Variants in COL4A2 observed in about 807,000 individuals in gnomAD.
COL4A2 encodes the protein collagen alpha-2(IV) chain.
In COL4A2, 99 loss-of-function variants were observed where a neutral mutation model predicts 200.2. That is an observed-to-expected ratio of 0.49 (90% CI 0.42 to 0.58). The LOEUF (loss-of-function observed/expected upper bound fraction) is 0.58, where lower values mean the gene tolerates loss of function less well. Among genes scored for constraint, COL4A2 ranks in the 20% least tolerant of loss-of-function variants. The pLI, the probability that COL4A2 is intolerant of heterozygous loss-of-function variation, is 0.00. For synonymous variants in COL4A2, 897 were observed against 900.6 expected (o/e 1.00, Z 0.07); for missense variants, 1,950 against 2,314.1 (o/e 0.84, Z 3.23).
At chr13:110,487,749 C>T (rs4773195) in intron 34 of COL4A2, among the ~76,000 whole-genome samples, 130,497 of 152,240 alleles carry the variant, frequency 0.86, 55,929 homozygotes, top group Middle Eastern at 0.93. Flanking sequence ...TCAGTTTCAT[C>T]GATGTGAAGT....
At chr13:110,381,372 C>T (rs1006084701) in intron 4 of COL4A2, among the ~76,000 whole-genome samples, 1 of 152,242 alleles carries the variant, frequency 6.6e-6, no homozygotes, top group Non-Finnish European at 1.5e-5. Context: ...CCTTGACATC[C>T]GCCTGCTCCT....
At chr13:110,392,394 A>G (rs907036279) in intron 4 of COL4A2, among the ~76,000 whole-genome samples, 4 of 152,192 alleles carry the variant, frequency 2.6e-5, no homozygotes, top group African/African-American at 9.7e-5. Context: ...TGGGTTTTGA[A>G]GAGGAGGAAG....
chr13:110,477,503 G>A (rs376440463), intron 29 of COL4A2, among the ~76,000 whole-genome samples: 63 of 152,288 alleles, frequency 4.1e-4, no homozygotes, highest in African/African-American at 1.4e-3. Flanking sequence ...AATTACCTAC[G>A]ACATGGACAT....
chr13:110,351,220 TTTGTTTG>T (rs1876945395), intron 3 of COL4A2, among the ~76,000 whole-genome samples: 8 of 47,126 alleles, frequency 1.7e-4, no homozygotes, highest in South Asian at 9.7e-4. Context: ...AGCTATTCTT[TTTGTTTG>T]TTTGTTTGTT....
At chr13:110,400,241 C>G (rs541846602) in intron 4 of COL4A2, among the ~76,000 whole-genome samples, 1 of 152,280 alleles carries the variant, frequency 6.6e-6, no homozygotes, top group East Asian at 1.9e-4. Context: ...AGTTGGTCTT[C>G]AGATACCTAC....
In COL4A2 at chr13:110,458,752, T is replaced by G; in HGVS notation, c.1433-19T>G. 6.2e-7 allele frequency: 1 copy of G among 1,613,544 alleles called. No homozygotes were observed. The stretch of plus-strand genomic sequence containing the variant: ...AGAGGAATGCGGAACAAGGAGGCCC[T>G]CCTCTCCCTCCTCTGCAGGTGACGC... On this transcript the variant is annotated intron_variant, in intron 21 of 47. Transcript: ENST00000360467.
At chr13:110,404,518 C>G (rs967358212) in intron 4 of COL4A2, among the ~76,000 whole-genome samples, 1 of 152,166 alleles carries the variant, frequency 6.6e-6, no homozygotes, top group Admixed American at 6.5e-5. Flanking sequence ...ATGGCTTGTG[C>G]TAGGCCAACA....
At chr13:110,431,391 T>C (rs2139459843) in intron 10 of COL4A2, among the ~76,000 whole-genome samples, 1 of 152,232 alleles carries the variant, frequency 6.6e-6, no homozygotes, top group East Asian at 1.9e-4. Flanking sequence ...TCAGTCAAAC[T>C]AACAGTTGGG....
At position 110,449,716 on chromosome 13, in the gene COL4A2, G is replaced by T. The variant is rs1262210175; in HGVS notation, c.1116G>T (p.Gly372=). ...RGDPGFPGAQ[G]EPGSQGEPGD... is the part of the protein sequence containing the mutation. ...ACCCGGGATTCCCAGGGGCCCAAGG[G>T]GAGCCAGGAAGCCAGGGTGAGCCAG... is the stretch of plus-strand genomic sequence containing the variant. Residue 372 remains glycine, a synonymous_variant, in exon 19 of 48, where the codon GGG becomes GGT. Coordinates refer to ENST00000360467, the MANE Select transcript of COL4A2 (RefSeq NM_001846.4). 6.5e-7 allele frequency: 1 copy of T among 1,549,984 alleles called. No individual in the cohort carries two copies. Among genetic ancestry groups the T allele is most frequent in the Non-Finnish European group, 8.7e-7 (1 of 1,146,490 alleles).
rs776564587 is a variant in COL4A2, at chr13:110,446,842, C to G, written c.1056C>G (p.Ser352=). 2 of 1,612,484 alleles carry G rather than the reference C, an allele frequency of 1.2e-6. No homozygotes were observed. Among genetic ancestry groups the G allele is most frequent in the South Asian group, 2.2e-5 (2 of 91,028 alleles). ...GGCCCCCTGGACTACCTGCCTACTC[C>G]CCTCACCCTTCCCTAGCAAAAGGTG... ...DPGPPGLPAY[S]PHPSLAKGAR... Residue 352 remains serine (S), a synonymous_variant, in exon 18 of 48, where the codon TCC becomes TCG. Transcript: ENST00000360467.
At chr13:110,490,879 A>G (rs1566564433) in intron 36 of COL4A2, among the ~76,000 whole-genome samples, 1 of 152,196 alleles carries the variant, frequency 6.6e-6, no homozygotes, top group South Asian at 2.1e-4. Flanking sequence ...TGGGCCCAGA[A>G]AGGCTTTGGA....
Position 110,508,481 on chromosome 13 carries a change from G to A in COL4A2, c.4881+260G>A, listed in dbSNP as rs574598369. 6.6e-5 allele frequency among the ~76,000 whole-genome samples: 10 copies of A among 152,300 alleles called. No individual in the cohort carries two copies. In the East Asian group the frequency reaches 1.5e-3, roughly 23 times the overall value. The stretch of plus-strand genomic sequence containing the variant: ...CCTTTGTAAGGAGTGTAACCAGGAC[G>A]AACTTGCCTGTTATCCGTCTTACTA... On this transcript the variant is annotated intron_variant, in intron 47 of 47. Coordinates refer to ENST00000360467, the MANE Select transcript of COL4A2 (RefSeq NM_001846.4). This position sits in a 1 kb window ranked among gnomAD's most constrained non-coding sequence, Gnocchi z 6.1.
intron 3 of COL4A2, among the ~76,000 whole-genome samples, chr13:110,316,255 TG>T (rs1885126563): frequency 6.6e-6 from 1 of 152,194 alleles, no homozygotes; most frequent in African/African-American, 2.4e-5. Flanking sequence ...TTTGGATCCC[TG>T]ACTGTGGAGT....
intron 27 of COL4A2, chr13:110,468,332 C>T: frequency 2.2e-6 from 1 of 462,510 alleles, no homozygotes; most frequent in Non-Finnish European, 4.5e-6. Flanking sequence ...TAATTCCATC[C>T]ATGGATTTCA....
At chr13:110,358,898 CTT>C (rs1274071627) in intron 4 of COL4A2, among the ~76,000 whole-genome samples, 1 of 152,120 alleles carries the variant, frequency 6.6e-6, no homozygotes, top group Non-Finnish European at 1.5e-5. Flanking sequence ...TCATAAGCAT[CTT>C]TTCTTTCATT....
intron 20 of COL4A2, chr13:110,456,629 G>A (rs1031946837): frequency 1.0e-5 from 4 of 382,866 alleles, no homozygotes; most frequent in Admixed American, 3.6e-5. Flanking sequence ...TTGAAAAAAT[G>A]TGCTTTTGTT....
intron 18 of COL4A2, 134 bp from the exon 19 acceptor site, chr13:110,449,545 C>A: frequency 2.6e-6 from 2 of 773,780 alleles, no homozygotes; most frequent in Non-Finnish European, 3.9e-6. Context: ...ATGTATTAAT[C>A]ATCTTAACTC....
chr13:110,478,108 C>T lies in COL4A2; in HGVS notation c.2531C>T (p.Pro844Leu), dbSNP rs1882762335. The T allele has an allele frequency of 6.2e-7, 1 of 1,602,966 alleles. No individual in the cohort carries two copies. The change falls in exon 30 of 48, where the codon CCA becomes CTA. Residue 844 changes from proline to leucine, a missense_variant. By Grantham distance (98) the Pro-to-Leu change is moderately conservative (BLOSUM62 -3). Transcript: ENST00000360467. Reference protein sequence around the residue: ...LYGPPGLHGFPGAPGQEGPLG... With the variant: ...LYGPPGLHGFLGAPGQEGPLG... Reference sequence around the variant, plus strand: ...GGGCCTCCAGGACTGCATGGATTCCCAGGAGCTCCTGGCCAAGAGGGGCCC... The same window carrying T: ...GGGCCTCCAGGACTGCATGGATTCCTAGGAGCTCCTGGCCAAGAGGGGCCC...
intron 4 of COL4A2, among the ~76,000 whole-genome samples, chr13:110,362,488 ATTT>A (rs35902884): frequency 6.8e-6 from 1 of 146,150 alleles, no homozygotes. Flanking sequence ...TGATTTTTGT[ATTT>A]TTTTTTTTTT....
Sources: gnomAD v4.1 joint callset for allele counts (sites outside exome capture counted in the v4.1 genomes callset) on GRCh38, gnomAD v4.1.1 for gene constraint, Gnocchi (gnomAD v3.1) non-coding constraint, MANE v1.5 for transcripts, NCBI Gene and HGNC (gene_info 2026-07-23, HGNC 2026-07-21) for gene names.